ABCC11: variants seen among roughly 807,000 people sequenced by gnomAD.
The protein encoded by ABCC11 is ATP binding cassette subfamily C member 11.
A neutral mutation model predicts 149.3 loss-of-function variants in ABCC11; 135 were observed. The observed-to-expected ratio is 0.90, with a 90% CI of 0.79 to 1.04. ABCC11 has a LOEUF of 1.04. Ranked by LOEUF, ABCC11 falls within the 50% of genes least tolerant of loss-of-function variation. The pLI, the probability that ABCC11 is intolerant of heterozygous loss-of-function variation, is 0.00. For synonymous variants in ABCC11, 665 were observed against 671.4 expected (o/e 0.99, Z 0.15); for missense variants, 1,680 against 1,722.1 (o/e 0.98, Z 0.43).
chr16:48,207,384 G>A (rs1045310632), intron 12 of ABCC11, among the ~76,000 whole-genome samples: 3 of 152,132 alleles, frequency 2.0e-5, no homozygotes, highest in Admixed American at 6.5e-5. Context: ...CTGGAGAAAT[G>A]GCCGGGCATG....
chr16:48,174,496 G>A (rs114511135), intron 26 of ABCC11, among the ~76,000 whole-genome samples: 2,726 of 152,286 alleles, frequency 0.018, 97 homozygotes, highest in African/African-American at 0.063. Context: ...TGCATTGTCA[G>A]TAGGAGCCTA....
At chr16:48,171,801 A>G in intron 26 of ABCC11, among the ~76,000 whole-genome samples, 1 of 152,098 alleles carries the variant, frequency 6.6e-6, no homozygotes, top group East Asian at 1.9e-4. Flanking sequence ...CCACTCCACT[A>G]AAAATACAAA....
chr16:48,225,300 T>C (rs1407955447), intron 4 of ABCC11, among the ~76,000 whole-genome samples: 1 of 152,248 alleles, frequency 6.6e-6, no homozygotes, highest in Non-Finnish European at 1.5e-5. Context: ...TTTCTCTAAT[T>C]ATTTAAACAT....
Position 48,210,672 on chromosome 16 carries a change from C to T in ABCC11, c.1608+276G>A, listed in dbSNP as rs1467645301. ...CTGGGTCTCCTTTCCCTTCTCCTTTCTGTGTCCTTAGTTCTTCCAAGGACA... is the reference window on the plus strand; with the variant it reads ...CTGGGTCTCCTTTCCCTTCTCCTTTTTGTGTCCTTAGTTCTTCCAAGGACA... On this transcript the variant is annotated intron_variant, in intron 11 of 29. Transcript: ENST00000356608. The T allele has an allele frequency of 1.6e-5, 7 of 434,464 alleles. No individual in the cohort carries two copies. In the Admixed American group the frequency reaches 2.2e-4, roughly 14 times the overall value. 26.9% of individuals were successfully genotyped at this position (434,464 alleles called of 1,614,324 possible). A position where few individuals can be genotyped will look rare whatever the true frequency, so the allele number is the denominator to read the frequency against.
chr16:48,237,522 C>A (rs1970746429), intron 1 of ABCC11, among the ~76,000 whole-genome samples: 1 of 152,236 alleles, frequency 6.6e-6, no homozygotes, highest in South Asian at 2.1e-4. Context: ...TCCTGACTGG[C>A]CTCCCTGCTT....
In ABCC11 at chr16:48,175,405, A is replaced by G. The variant is rs758808759; in HGVS notation, c.3551T>C (p.Leu1184Ser). 2.6e-5 allele frequency: 42 copies of G among 1,609,982 alleles called. No homozygotes were observed. The highest frequency in any genetic ancestry group is 3.2e-5 in the Non-Finnish European group (38 of 1,176,784). Residue 1184 changes from leucine to serine, a missense_variant, in exon 26 of 30, where the codon TTG becomes TCG. By Grantham distance (145) the Leu-to-Ser change is moderately radical. Coordinates refer to ENST00000356608, the MANE Select transcript of ABCC11 (RefSeq NM_001370497.1). ...CACCAGGCGGAAGAGAGCCATGCCC[A>G]AGGAGGACTTCCCTGTGGGGCAAGA... is the stretch of plus-strand genomic sequence containing the variant. ...VGRTGSGKSS[L>S]GMALFRLVEP...
intron 27 of ABCC11, 49 bp downstream of exon 27, chr16:48,170,840 C>G (rs546972528): frequency 1.2e-5 from 18 of 1,534,976 alleles, no homozygotes; most frequent in African/African-American, 5.5e-5. Context: ...GGCAGCCCCC[C>G]ATGGGCGATG....
chr16:48,167,439 T>C, intron 29 of ABCC11, 57 bp downstream of exon 29: 1 of 1,610,110 alleles, frequency 6.2e-7, no homozygotes, highest in Non-Finnish European at 8.5e-7. Flanking sequence ...CTCAAAGGCA[T>C]CTGGGGTAGC....
rs59815620 is a variant in ABCC11 at position 48,211,085 on chromosome 16, C to T, written c.1471G>A (p.Val491Ile). The change falls in exon 11 of 30, where the codon GTC (valine) becomes ATC (isoleucine). Residue 491 changes from valine (V) to isoleucine (I), a missense_variant. Transcript: ENST00000356608. Reference sequence around the variant, plus strand: ...CTCTCCAGCTCCAGTGCCCCATTGACGATCCCGGGACAGGTCTGTTGCCAT... The same window carrying T: ...CTCTCCAGCTCCAGTGCCCCATTGATGATCCCGGGACAGGTCTGTTGCCAT... ...LSWQQTCPGI[V>I]NGALELERNG... 2.3e-3 allele frequency: 3,752 copies of T among 1,614,206 alleles called. 65 individuals carry two copies. In the African/African-American group the frequency reaches 0.04, roughly 17 times the overall value.
intron 26 of ABCC11, among the ~76,000 whole-genome samples, chr16:48,174,032 A>C (rs550736341): frequency 2.0e-5 from 3 of 152,292 alleles, no homozygotes; most frequent in Non-Finnish European, 4.4e-5. Context: ...TCAGCTTTCA[A>C]GACCCTGATC....
intron 22 of ABCC11, 47 bp from the exon 23 acceptor site, chr16:48,184,673 G>A: frequency 1.9e-6 from 3 of 1,573,252 alleles, no homozygotes; most frequent in South Asian, 2.4e-5. Context: ...GTCTGACCTA[G>A]GGTCTCCCCG....
At chr16:48,209,340 T>C (rs1301289260) in intron 11 of ABCC11, 1 of 152,358 alleles carries the variant, frequency 6.6e-6, no homozygotes, top group African/African-American at 2.4e-5. Context: ...CCAATCTTTT[T>C]GGCACCAGGG....
Position 48,167,168 on chromosome 16 carries a change from A to T in ABCC11, c.*106T>A. On this transcript the variant is annotated 3_prime_UTR_variant, in exon 30 of 30. Transcript: ENST00000356608. The stretch of plus-strand genomic sequence containing the variant: ...CTACATTTACCCCTGCTTCCAGGAG[A>T]AGTTCTCATCTCCAAACAAGAAGGT... 4 of 456,450 alleles carry T rather than the reference A, an allele frequency of 8.8e-6. No homozygotes were observed. The highest frequency in any genetic ancestry group is 8.8e-6 in the Non-Finnish European group (2 of 227,310). 28.3% of individuals were successfully genotyped at this position (456,450 alleles called of 1,614,324 possible). A position where few individuals can be genotyped will look rare whatever the true frequency, so the allele number is the denominator to read the frequency against.
chr16:48,234,787 C>T (rs1720235401), intron 1 of ABCC11, among the ~76,000 whole-genome samples: 1 of 152,098 alleles, frequency 6.6e-6, no homozygotes, highest in African/African-American at 2.4e-5. Context: ...AGAACATCCC[C>T]AGGTGAGTGA....
chr16:48,197,072 C>T (rs1382612503), intron 17 of ABCC11, among the ~76,000 whole-genome samples: 3 of 152,154 alleles, frequency 2.0e-5, no homozygotes, highest in Non-Finnish European at 4.4e-5. Flanking sequence ...TGCCTATAAT[C>T]CCAGCACTTT....
chr16:48,224,248 G>C (rs1394032210), intron 5 of ABCC11, 34 bp downstream of exon 5: 2 of 1,606,584 alleles, frequency 1.2e-6, no homozygotes, highest in Middle Eastern at 1.7e-4. Flanking sequence ...CTGAAGCCTA[G>C]AGTCCCCCAA....
At chr16:48,236,158 G>T (rs1596861092) in intron 1 of ABCC11, among the ~76,000 whole-genome samples, 2 of 152,298 alleles carry the variant, frequency 1.3e-5, no homozygotes, top group Admixed American at 1.3e-4. Flanking sequence ...AGTTTCAGTA[G>T]CTTCAGGAGG....
chr16:48,238,934 T>TAAAAAAAA (rs3048246), intron 1 of ABCC11, among the ~76,000 whole-genome samples: 2 of 40,568 alleles, frequency 4.9e-5, no homozygotes, highest in Non-Finnish European at 8.6e-5. Flanking sequence ...AGACTCTGTC[T>TAAAAAAAA]AAAAAAAAAA....
chr16:48,167,145 A>G lies in ABCC11; in HGVS notation c.*129T>C. ...CCATCCAGCAATCCCCACCCCCCCT[A>G]CATTTACCCCTGCTTCCAGGAGAAG... On this transcript the variant is annotated 3_prime_UTR_variant, in exon 30 of 30. Coordinates refer to ENST00000356608, the MANE Select transcript of ABCC11 (RefSeq NM_001370497.1). 4.5e-5 allele frequency: 16 copies of G among 357,026 alleles called. No individual in the cohort carries two copies. The highest frequency in any genetic ancestry group is 1.3e-4 in the East Asian group (2 of 15,672). 22.1% of individuals were successfully genotyped at this position (357,026 alleles called of 1,614,324 possible).
Sources: gnomAD v4.1 joint callset for allele counts (sites outside exome capture counted in the v4.1 genomes callset) on GRCh38, gnomAD v4.1.1 for gene constraint, MANE v1.5 for transcripts, NCBI Gene and HGNC (gene_info 2026-07-23, HGNC 2026-07-21) for gene names.